GRIP2: variants seen among roughly 807,000 people sequenced by gnomAD.
The protein encoded by GRIP2 is glutamate receptor-interacting protein 2.
GRIP2 carries 58 observed loss-of-function variants against 108.3 expected under a neutral mutation model. That is an observed-to-expected ratio of 0.54 (90% CI 0.43 to 0.67). The LOEUF (loss-of-function observed/expected upper bound fraction) is 0.67, where lower values mean the gene tolerates loss of function less well. GRIP2 is among the 30% of genes least tolerant of loss of function. The probability of loss-of-function intolerance (pLI) is 0.00; values close to 1 mark genes in which losing one functional copy is unlikely to be tolerated. For missense variants in GRIP2, 1,278 were observed against 1,430.6 expected, an observed-to-expected ratio of 0.89 and a Z score of 1.72; for synonymous variants, 586 against 598.2, an observed-to-expected ratio of 0.98 and a Z score of 0.30.
intron 16 of GRIP2, 117 bp from the exon 17 acceptor site, chr3:14,510,081 C>T (rs1026598746): frequency 4.0e-4 from 397 of 981,362 alleles, no homozygotes; most frequent in Non-Finnish European, 3.3e-4. Flanking sequence ...CAGTCACTCA[C>T]GCTCTGATTT....
intron 1 of GRIP2, among the ~76,000 whole-genome samples, chr3:14,526,139 A>G (rs1694548567): frequency 6.6e-6 from 1 of 152,134 alleles, no homozygotes; most frequent in Admixed American, 6.5e-5. Flanking sequence ...GCTGAGTAAC[A>G]TTCTTTGAGC....
intron 21 of GRIP2, among the ~76,000 whole-genome samples, chr3:14,498,820 T>C (rs189297289): frequency 3.9e-5 from 6 of 152,230 alleles, no homozygotes; most frequent in Admixed American, 1.3e-4. Flanking sequence ...ATAAACACTT[T>C]CAAAGCAAGA....
At chr3:14,545,311 G>A (rs956746160), upstream of GRIP2, among the ~76,000 whole-genome samples, 8 of 152,246 alleles carry the variant, frequency 5.3e-5, no homozygotes, top group Admixed American at 1.3e-4. Flanking sequence ...TAGGCAGAAT[G>A]TCAGGGGGAG....
At chr3:14,585,669 C>T in the GRIP2 span, among the ~76,000 whole-genome samples, 1 of 152,212 alleles carries the variant, frequency 6.6e-6, no homozygotes, top group Admixed American at 6.5e-5. Context: ...GCGAACAAAC[C>T]TCAGCCCCCC....
upstream of GRIP2, among the ~76,000 whole-genome samples, chr3:14,558,951 G>A (rs1369734663): frequency 6.6e-6 from 1 of 152,198 alleles, no homozygotes; most frequent in East Asian, 1.9e-4. Context: ...ATGAAGAAGG[G>A]GAGCTCCGAG....
At chr3:14,544,555 C>G (rs1171214801), upstream of GRIP2, among the ~76,000 whole-genome samples, 1 of 152,196 alleles carries the variant, frequency 6.6e-6, no homozygotes, top group Admixed American at 6.5e-5. Flanking sequence ...GTCCTGAGCC[C>G]ACCAGGGGCC....
chr3:14,560,423 C>G (rs572744245), upstream of GRIP2, among the ~76,000 whole-genome samples: 4 of 152,278 alleles, frequency 2.6e-5, no homozygotes, highest in African/African-American at 9.6e-5. Flanking sequence ...TCCCTGCATC[C>G]AGGGGAGGAG....
intron 1 of GRIP2, among the ~76,000 whole-genome samples, chr3:14,539,262 C>T (rs1694903886): frequency 6.6e-6 from 1 of 152,120 alleles, no homozygotes; most frequent in Non-Finnish European, 1.5e-5. Context: ...GAGCCTGGCC[C>T]AGAGGAAGCT....
chr3:14,555,715 G>A (rs1695227365), intron 1 of GRIP2, among the ~76,000 whole-genome samples: 1 of 152,172 alleles, frequency 6.6e-6, no homozygotes, highest in Non-Finnish European at 1.5e-5. Flanking sequence ...GCAGAGCGGT[G>A]GAGAGACTGG....
At chr3:14,539,255 C>G (rs1694903647) in intron 1 of GRIP2, among the ~76,000 whole-genome samples, 1 of 152,142 alleles carries the variant, frequency 6.6e-6, no homozygotes, top group Non-Finnish European at 1.5e-5. Flanking sequence ...TAGAAAAGAG[C>G]CTGGCCCAGA....
At chr3:14,593,944 T>C in the GRIP2 span, among the ~76,000 whole-genome samples, 1 of 152,226 alleles carries the variant, frequency 6.6e-6, no homozygotes, top group East Asian at 1.9e-4. Context: ...ATGACCCTGA[T>C]GGTGGGGGAC....
the GRIP2 span, among the ~76,000 whole-genome samples, chr3:14,599,495 A>T: frequency 2.0e-5 from 3 of 152,024 alleles, no homozygotes; most frequent in Non-Finnish European, 4.4e-5. Context: ...AACTTTTGTT[A>T]TCTGAGGGAT....
chr3:14,598,477 G>C, the GRIP2 span, among the ~76,000 whole-genome samples: 1 of 150,106 alleles, frequency 6.7e-6, no homozygotes, highest in East Asian at 2.0e-4. Flanking sequence ...CAAAGCCTTT[G>C]GTTAACTACG....
At chr3:14,535,585 T>C (rs1694815755) in intron 1 of GRIP2, among the ~76,000 whole-genome samples, 1 of 152,230 alleles carries the variant, frequency 6.6e-6, no homozygotes, top group Non-Finnish European at 1.5e-5. Flanking sequence ...ATCATGATTC[T>C]CATTTTACAG....
rs978466788 is a variant in GRIP2, at chr3:14,523,004, C to T, written c.562G>A (p.Asp188Asn). ...LTYVRPGGPADREGSLKVGDR... is the reference protein window; with the variant it reads ...LTYVRPGGPANREGSLKVGDR... ...ATTTCTTCTGCCTCGGCTCACCTGTCGGCAGGGCCACCGGGCCGCACGTAG... is the reference window on the plus strand; with the variant it reads ...ATTTCTTCTGCCTCGGCTCACCTGTTGGCAGGGCCACCGGGCCGCACGTAG... Residue 188 changes from aspartate (D) to asparagine (N), a missense_variant, in exon 6 of 24, where the codon GAC (aspartate) becomes AAC (asparagine). By Grantham distance (23) the Asp-to-Asn change is conservative. Coordinates refer to ENST00000621039, the MANE Select transcript of GRIP2 (RefSeq NM_001080423.4). 10 of 1,613,446 alleles carry T rather than the reference C, an allele frequency of 6.2e-6. No homozygotes were observed. The highest frequency in any genetic ancestry group is 1.7e-5 in the Admixed American group (1 of 59,988).
At chr3:14,589,961 T>G in the GRIP2 span, among the ~76,000 whole-genome samples, 1 of 151,856 alleles carries the variant, frequency 6.6e-6, no homozygotes, top group Non-Finnish European at 1.5e-5. Context: ...CCTGGCCACT[T>G]TTTGTATTTT....
In GRIP2 at chr3:14,520,427, T is replaced by G. The variant is rs1575012055; in HGVS notation, c.823A>C (p.Thr275Pro). The G allele has an allele frequency of 1.2e-6, 2 of 1,613,460 alleles. No homozygotes were observed. The highest frequency in any genetic ancestry group is 1.7e-6 in the Non-Finnish European group (2 of 1,179,678). ...TTSLRNKSVITIDRIKPASVV... is the reference protein window; with the variant it reads ...TTSLRNKSVIPIDRIKPASVV... The stretch of plus-strand genomic sequence containing the variant: ...CTGGCTGGCTTGATGCGGTCGATGG[T>G]AATGACTGACTTGTTCCGGAGGGAG... Residue 275 changes from threonine to proline, a missense_variant, in exon 8 of 24, where the codon ACC becomes CCC. Coordinates refer to ENST00000621039, the MANE Select transcript of GRIP2 (RefSeq NM_001080423.4).
At chr3:14,596,815 A>G in the GRIP2 span, among the ~76,000 whole-genome samples, 1 of 151,750 alleles carries the variant, frequency 6.6e-6, no homozygotes, top group Non-Finnish European at 1.5e-5. Context: ...ATCATGACTC[A>G]CTGCAGCTTC....
intron 1 of GRIP2, among the ~76,000 whole-genome samples, chr3:14,554,988 C>T (rs1048043327): frequency 1.3e-5 from 2 of 152,262 alleles, no homozygotes; most frequent in Admixed American, 1.3e-4. Context: ...GTGAATCCAC[C>T]ACCTCCCTCC....
Sources: gnomAD v4.1 joint callset for allele counts (sites outside exome capture counted in the v4.1 genomes callset) on GRCh38, gnomAD v4.1.1 for gene constraint, MANE v1.5 for transcripts, NCBI Gene and HGNC (gene_info 2026-07-23, HGNC 2026-07-21) for gene names.